Variants in CNTN4 observed in about 807,000 individuals in gnomAD.
The protein encoded by CNTN4 is contactin-4.
CNTN4 carries 77 observed loss-of-function variants against 122.5 expected under a neutral mutation model. The ratio of observed to expected loss-of-function variants is 0.63; its 90% CI spans 0.52 to 0.76. The LOEUF is 0.76. CNTN4 is among the 30% of genes least tolerant of loss of function. CNTN4 has a pLI of 0.00. For synonymous variants in CNTN4, 512 were observed against 447.0 expected, an observed-to-expected ratio of 1.15 and a Z score of -1.83; for missense variants, 1,256 against 1,259.1, an observed-to-expected ratio of 1.00 and a Z score of 0.04.
chr3:2,561,853 A>T (rs921874636), intron 3 of CNTN4, among the ~76,000 whole-genome samples: 1 of 152,148 alleles, frequency 6.6e-6, no homozygotes, highest in African/African-American at 2.4e-5. Context: ...TGATTTTGTC[A>T]TGTGTACTTG....
At chr3:2,828,113 C>CTG (rs1171235198) in intron 7 of CNTN4, among the ~76,000 whole-genome samples, 1 of 151,832 alleles carries the variant, frequency 6.6e-6, no homozygotes, top group African/African-American at 2.4e-5. Context: ...CTCTCTCTCT[C>CTG]TGTGTGTGTT....
At chr3:2,351,344 G>A (rs2044609345) in intron 3 of CNTN4, among the ~76,000 whole-genome samples, 1 of 152,140 alleles carries the variant, frequency 6.6e-6, no homozygotes, top group African/African-American at 2.4e-5. Flanking sequence ...GGTTAAAAGT[G>A]GCACAGATTC....
intron 2 of CNTN4, among the ~76,000 whole-genome samples, chr3:2,288,988 C>T (rs555003894): frequency 1.3e-5 from 2 of 152,224 alleles, no homozygotes; most frequent in East Asian, 3.9e-4. Context: ...ACAGAACCAT[C>T]TTAAGGTCTG....
chr3:2,481,698 TG>T (rs922740560), intron 3 of CNTN4, among the ~76,000 whole-genome samples: 1 of 151,986 alleles, frequency 6.6e-6, no homozygotes, highest in South Asian at 2.1e-4. Flanking sequence ...CTATGTGTTG[TG>T]GGGGGGACCT....
At chr3:3,031,054 G>T in intron 16 of CNTN4, 79 bp downstream of exon 16, 9 of 1,583,312 alleles carry the variant, frequency 5.7e-6, no homozygotes, top group Non-Finnish European at 7.8e-6. Context: ...AGAAACCTCA[G>T]TGGTTTAGAA....
At chr3:2,651,074 G>A (rs2083336315) in intron 4 of CNTN4, among the ~76,000 whole-genome samples, 1 of 152,154 alleles carries the variant, frequency 6.6e-6, no homozygotes, top group Non-Finnish European at 1.5e-5. Flanking sequence ...GACATTGAGT[G>A]AACAAGTTTA....
At chr3:2,613,820 G>GTT (rs1041455046) in intron 4 of CNTN4, among the ~76,000 whole-genome samples, 10 of 152,048 alleles carry the variant, frequency 6.6e-5, no homozygotes, top group Non-Finnish European at 1.3e-4. Flanking sequence ...TTAAATGTTT[G>GTT]TTTGTTTGTC....
intron 2 of CNTN4, among the ~76,000 whole-genome samples, chr3:2,167,708 TATG>T (rs1219462723): frequency 6.6e-6 from 1 of 152,178 alleles, no homozygotes; most frequent in African/African-American, 2.4e-5. Flanking sequence ...ATAAAGTAAA[TATG>T]ATGACTAAAA....
chr3:2,107,140 C>T lies in CNTN4; in HGVS notation c.-145+6501C>T, dbSNP rs567089818. 4.1e-4 allele frequency among the ~76,000 whole-genome samples: 62 copies of T among 152,316 alleles called. 1 individual carries two copies. In the South Asian group the frequency reaches 0.011, roughly 27 times the overall value. On this transcript the variant is annotated intron_variant, in intron 2 of 24. Transcript: ENST00000418658. ...AAGTTCCAAACTTTCTGACATCTTC[C>T]TGTTTTCTTCTGAGCCCTCCAAACT...
At chr3:2,372,264 AT>A (rs1327204873) in intron 3 of CNTN4, among the ~76,000 whole-genome samples, 1 of 152,242 alleles carries the variant, frequency 6.6e-6, no homozygotes, top group Non-Finnish European at 1.5e-5. Context: ...TTGAAGCAGT[AT>A]TATAAAGGAG....
chr3:2,870,609 C>T (rs1479132889), intron 8 of CNTN4, among the ~76,000 whole-genome samples: 1 of 152,056 alleles, frequency 6.6e-6, no homozygotes, highest in African/African-American at 2.4e-5. Flanking sequence ...CTGGTAAGTG[C>T]AAGGTGAGTA....
Position 2,787,655 on chromosome 3 carries a change from G to A in CNTN4, c.359-31831G>A, listed in dbSNP as rs188767537. On this transcript the variant is annotated intron_variant, in intron 6 of 24. Transcript: ENST00000418658. The stretch of plus-strand genomic sequence containing the variant: ...TTACCAGCTATTTAACCACAGTCAC[G>A]TTATTTAACTTCTCTGAGTCTTTTT... 2.3e-3 allele frequency among the ~76,000 whole-genome samples: 356 copies of A among 152,290 alleles called. 1 individual carries two copies. Among genetic ancestry groups the A allele is most frequent in the South Asian group, 4.6e-3 (22 of 4,832 alleles).
intron 10 of CNTN4, among the ~76,000 whole-genome samples, chr3:2,895,664 T>C (rs77435872): frequency 0.042 from 6,389 of 152,294 alleles, 182 homozygotes; most frequent in East Asian, 0.086. Context: ...AAGTACAAAT[T>C]AACAGAAAAA....
chr3:2,305,080 C>G (rs903235036), intron 2 of CNTN4, among the ~76,000 whole-genome samples: 2 of 151,998 alleles, frequency 1.3e-5, no homozygotes, highest in Non-Finnish European at 2.9e-5. Context: ...GCTGCTATGA[C>G]CTTTATATTC....
At chr3:2,913,276 A>G (rs1233017038) in intron 12 of CNTN4, among the ~76,000 whole-genome samples, 1 of 152,258 alleles carries the variant, frequency 6.6e-6, no homozygotes, top group African/African-American at 2.4e-5. Flanking sequence ...CATAAAACAA[A>G]TGAACAAAAT....
At chr3:2,640,478 G>A (rs150908309) in intron 4 of CNTN4, among the ~76,000 whole-genome samples, 2 of 152,274 alleles carry the variant, frequency 1.3e-5, no homozygotes, top group East Asian at 1.9e-4. Flanking sequence ...GAAAGAATAC[G>A]ATAAACAAGG....
At chr3:2,218,921 G>C (rs2038956511) in intron 2 of CNTN4, among the ~76,000 whole-genome samples, 1 of 152,222 alleles carries the variant, frequency 6.6e-6, no homozygotes, top group Admixed American at 6.5e-5. Flanking sequence ...GTAGGAAGCT[G>C]TGCTATGGCA....
chr3:2,998,362 GT>G (rs1312399727), intron 14 of CNTN4, among the ~76,000 whole-genome samples: 4 of 152,176 alleles, frequency 2.6e-5, no homozygotes, highest in Non-Finnish European at 5.9e-5. Flanking sequence ...TCACGTAGGA[GT>G]TTTTAAATAA....
At chr3:2,451,180 C>A (rs2048816381) in intron 3 of CNTN4, among the ~76,000 whole-genome samples, 1 of 152,030 alleles carries the variant, frequency 6.6e-6, no homozygotes, top group Non-Finnish European at 1.5e-5. Flanking sequence ...GTAAGAGTGA[C>A]CTTGAAACTA....
Sources: gnomAD v4.1 joint callset for allele counts (sites outside exome capture counted in the v4.1 genomes callset) on GRCh38, gnomAD v4.1.1 for gene constraint, MANE v1.5 for transcripts, NCBI Gene and HGNC (gene_info 2026-07-23, HGNC 2026-07-21) for gene names.